CEP170: variants seen among roughly 807,000 people sequenced by gnomAD.
CEP170 encodes centrosomal protein 170.
CEP170 carries 21 observed loss-of-function variants against 151.9 expected under a neutral mutation model. The ratio of observed to expected loss-of-function variants is 0.14; its 90% CI spans 0.10 to 0.20. The LOEUF is 0.20. CEP170 is among the 10% of genes least tolerant of loss of function. The probability of loss-of-function intolerance (pLI) is 1.00; values close to 1 mark genes in which losing one functional copy is unlikely to be tolerated. For synonymous variants in CEP170, 356 were observed against 648.8 expected (o/e 0.55, Z 6.86); for missense variants, 964 against 1,892.9 (o/e 0.51, Z 9.11).
chr1:243,198,588 C>T (rs532183231), intron 7 of CEP170, among the ~76,000 whole-genome samples: 1 of 152,186 alleles, frequency 6.6e-6, no homozygotes, highest in South Asian at 2.1e-4. Context: ...GGGAAGATGG[C>T]TTGAGTCCAG....
chr1:243,213,616 G>T lies in CEP170; in HGVS notation c.196-1652C>A, dbSNP rs141229350. On this transcript the variant is annotated intron_variant, in intron 3 of 19. Coordinates refer to ENST00000366542, the MANE Select transcript of CEP170 (RefSeq NM_014812.3). ...AATCAATGAGAAAGAATGTGTCCAT[G>T]AAAAAAAAAGAAATTTTCATCTAGT... Among the ~76,000 whole-genome samples, 269 of 150,506 alleles carry T rather than the reference G, an allele frequency of 1.8e-3. 3 individuals are homozygous for T. Among genetic ancestry groups the T allele is most frequent in the Admixed American group, 3.6e-3 (55 of 15,160 alleles).
chr1:243,139,614 A>G (rs960332433), intron 16 of CEP170, among the ~76,000 whole-genome samples: 2 of 152,284 alleles, frequency 1.3e-5, no homozygotes, highest in South Asian at 4.1e-4. Context: ...CCCTAGTACA[A>G]TATTGAAAGA....
intron 3 of CEP170, among the ~76,000 whole-genome samples, chr1:243,213,190 T>C (rs2061973060): frequency 6.6e-6 from 1 of 152,120 alleles, no homozygotes; most frequent in South Asian, 2.1e-4. Context: ...GCACACATGG[T>C]TAGTGGCTAC....
chr1:243,199,743 T>C (rs1466060112), intron 6 of CEP170, among the ~76,000 whole-genome samples: 2 of 151,406 alleles, frequency 1.3e-5, no homozygotes. Context: ...TGAGCAAATG[T>C]AGTAATGCCT....
At chr1:243,249,957 G>A (rs1017580707) in intron 1 of CEP170, among the ~76,000 whole-genome samples, 5 of 152,208 alleles carry the variant, frequency 3.3e-5, no homozygotes, top group Non-Finnish European at 7.3e-5. Flanking sequence ...TGTAGTCCCG[G>A]CTACTCGGGA....
intron 14 of CEP170, among the ~76,000 whole-genome samples, chr1:243,152,823 G>C (rs1385139004): frequency 6.6e-6 from 1 of 152,172 alleles, no homozygotes. Context: ...GAACCACCGT[G>C]CCTGGCCCGT....
intron 2 of CEP170, among the ~76,000 whole-genome samples, chr1:243,222,942 G>A (rs777089935): frequency 6.6e-6 from 1 of 152,126 alleles, no homozygotes; most frequent in Non-Finnish European, 1.5e-5. Context: ...GGACCAACTT[G>A]AGATTTAAAA....
At chr1:243,170,768 T>C (rs1008963263) in intron 11 of CEP170, among the ~76,000 whole-genome samples, 5 of 152,222 alleles carry the variant, frequency 3.3e-5, no homozygotes, top group Non-Finnish European at 7.3e-5. Context: ...CACTCCAGCC[T>C]GGGTGACAGA....
At chr1:243,254,486 C>T (rs1195758487) in intron 1 of CEP170, 1 of 152,098 alleles carries the variant, frequency 6.6e-6, no homozygotes, top group Non-Finnish European at 1.5e-5. Context: ...GTCTTCCACG[C>T]CCTCCCAACG....
chr1:243,254,744 C>G (rs1402811273), intron 1 of CEP170, among the ~76,000 whole-genome samples: 1 of 134,208 alleles, frequency 7.5e-6, no homozygotes, highest in Non-Finnish European at 1.5e-5. Flanking sequence ...GAGGCGGCAG[C>G]AAGGGGCTCG....
chr1:243,185,316 G>A lies in CEP170; in HGVS notation c.1566+463C>T, dbSNP rs1454570023. Reference sequence around the variant, plus strand: ...GTGAATAGAAATTAAGAAAACATACGGACAAAGAACAAAGCTAAAATAAGT... The same window carrying A: ...GTGAATAGAAATTAAGAAAACATACAGACAAAGAACAAAGCTAAAATAAGT... On this transcript the variant is annotated intron_variant, in intron 10 of 19. Transcript: ENST00000366542. This position sits in a 1 kb window ranked among gnomAD's most constrained non-coding sequence, Gnocchi z 4.9. 6.6e-6 allele frequency among the ~76,000 whole-genome samples: 1 copy of A among 152,020 alleles called. No homozygotes were observed. The highest frequency in any genetic ancestry group is 1.5e-5 in the Non-Finnish European group (1 of 68,008).
chr1:243,132,374 C>T (rs887820231), intron 17 of CEP170, among the ~76,000 whole-genome samples: 6 of 152,198 alleles, frequency 3.9e-5, no homozygotes, highest in South Asian at 2.1e-4. Flanking sequence ...ATCTATTATA[C>T]GCTATCTTGT....
At position 243,199,150 on chromosome 1, in the gene CEP170, A is replaced by C. The variant is rs2060855195; in HGVS notation, c.541T>G (p.Ser181Ala). Residue 181 changes from serine to alanine, a missense_variant, in exon 7 of 20, where the codon TCA becomes GCA. Transcript: ENST00000366542. Reference sequence around the variant, plus strand: ...TCCACCTCATCATCCCCCCACCATGACGGCTGCCCATATAATGGAGTACCA... The same window carrying C: ...TCCACCTCATCATCCCCCCACCATGCCGGCTGCCCATATAATGGAGTACCA... ...PRGTPLYGQPSWWGDDEVDEK... is the reference protein window; with the variant it reads ...PRGTPLYGQPAWWGDDEVDEK... 1 of 1,611,948 alleles carries C rather than the reference A, an allele frequency of 6.2e-7. No homozygotes were observed. The highest frequency in any genetic ancestry group is 1.3e-5 in the African/African-American group (1 of 74,888).
chr1:243,204,050 T>C (rs1346045150), intron 4 of CEP170, among the ~76,000 whole-genome samples: 4 of 152,188 alleles, frequency 2.6e-5, no homozygotes, highest in Non-Finnish European at 2.9e-5. Context: ...AACTTCTCTA[T>C]CACTTCATTT....
intron 10 of CEP170, among the ~76,000 whole-genome samples, chr1:243,178,046 G>A (rs1219918829): frequency 2.6e-5 from 4 of 152,076 alleles, no homozygotes; most frequent in Non-Finnish European, 4.4e-5. Flanking sequence ...AAAAGGAATG[G>A]GCAGGGAGTG....
chr1:243,155,451 C>G (rs894990314), intron 14 of CEP170, among the ~76,000 whole-genome samples: 1 of 151,954 alleles, frequency 6.6e-6, no homozygotes, highest in Admixed American at 6.6e-5. Flanking sequence ...GTCTTAAAGA[C>G]AGAAGTAAGC....
chr1:243,218,584 GA>G (rs1288375349), intron 3 of CEP170, among the ~76,000 whole-genome samples: 1 of 152,176 alleles, frequency 6.6e-6, no homozygotes, highest in East Asian at 1.9e-4. Flanking sequence ...GGTGAAAGGG[GA>G]CAGGAGTGGA....
intron 10 of CEP170, among the ~76,000 whole-genome samples, chr1:243,179,911 A>G (rs554621915): frequency 6.6e-6 from 1 of 152,216 alleles, no homozygotes; most frequent in Non-Finnish European, 1.5e-5. Context: ...AGATATAAGA[A>G]GTGAATGACG....
chr1:243,240,563 A>G (rs182479169), intron 1 of CEP170, among the ~76,000 whole-genome samples: 3 of 152,140 alleles, frequency 2.0e-5, no homozygotes, highest in Non-Finnish European at 1.5e-5. Flanking sequence ...GTATGTATTT[A>G]TCAATATGTC....
Sources: allele counts gnomAD v4.1 joint callset (sites outside exome capture counted in the v4.1 genomes callset), GRCh38; gene constraint gnomAD v4.1.1; non-coding constraint Gnocchi (gnomAD v3.1); transcripts MANE v1.5; gene names NCBI Gene and HGNC (gene_info 2026-07-23, HGNC 2026-07-21).